Variants in INSR observed in about 807,000 individuals in gnomAD.
INSR encodes insulin receptor.
Under a neutral mutation model 142.6 loss-of-function variants are expected in INSR, and 67 were observed. The ratio of observed to expected loss-of-function variants is 0.47; its 90% CI spans 0.39 to 0.58. INSR has a LOEUF of 0.58. Ranked by LOEUF, INSR falls within the 20% of genes least tolerant of loss-of-function variation. INSR has a pLI of 0.00. For synonymous variants in INSR, 756 were observed against 743.1 expected (o/e 1.02, Z -0.28); for missense variants, 1,248 against 1,833.2 (o/e 0.68, Z 5.83).
At chr19:7,151,803 T>C (rs1358968764) in intron 10 of INSR, among the ~76,000 whole-genome samples, 1 of 152,072 alleles carries the variant, frequency 6.6e-6, no homozygotes, top group Non-Finnish European at 1.5e-5. Flanking sequence ...ACTTTTAATT[T>C]TTTTTTAGAG....
At chr19:7,211,313 C>T (rs1456122179) in intron 2 of INSR, among the ~76,000 whole-genome samples, 2 of 152,184 alleles carry the variant, frequency 1.3e-5, no homozygotes, top group East Asian at 3.8e-4. Flanking sequence ...GAATTCCTCC[C>T]ACCTTGGCCT....
At chr19:7,137,815 A>G (rs1210891508) in intron 13 of INSR, among the ~76,000 whole-genome samples, 1 of 149,570 alleles carries the variant, frequency 6.7e-6, no homozygotes, top group African/African-American at 2.4e-5. Flanking sequence ...AAAAAAAAAA[A>G]AAAAAAAAAG....
At chr19:7,275,735 C>T (rs187331559) in intron 1 of INSR, among the ~76,000 whole-genome samples, 364 of 150,132 alleles carry the variant, frequency 2.4e-3, no homozygotes, top group Non-Finnish European at 4.1e-3. Context: ...TGCAGTGAGC[C>T]GAGATTGTGC....
At chr19:7,198,264 G>A (rs1249505082) in intron 2 of INSR, among the ~76,000 whole-genome samples, 3 of 150,950 alleles carry the variant, frequency 2.0e-5, no homozygotes, top group Admixed American at 2.0e-4. Context: ...CGCTGGCCCC[G>A]CCCCCCGGGT....
rs75918734 is a variant in INSR at position 7,225,706 on chromosome 19, C to CT, written c.653-41070_653-41069insA. On this transcript the variant is annotated intron_variant, in intron 2 of 21. Transcript: ENST00000302850. The surrounding 1 kb of genome is among the most constrained non-coding windows in gnomAD (Gnocchi z 4.7). ...GGGCTCTTGGTTTCCATTTCCCCCC[C>CT]CTCAAAAAAAGAGCAGAGAATAATT... is the stretch of plus-strand genomic sequence containing the variant. Among the ~76,000 whole-genome samples, 912 of 132,174 alleles carry CT rather than the reference C, an allele frequency of 6.9e-3. 9 individuals carry two copies. Among genetic ancestry groups the CT allele is most frequent in the African/African-American group, 0.023 (868 of 38,332 alleles). 86.7% of individuals were successfully genotyped at this position (132,174 alleles called of 152,430 possible).
chr19:7,178,538 G>T (rs1343016989), intron 3 of INSR, among the ~76,000 whole-genome samples: 1 of 152,072 alleles, frequency 6.6e-6, no homozygotes, highest in Non-Finnish European at 1.5e-5. Flanking sequence ...GGCCAACATG[G>T]TGAAACCCTG....
At chr19:7,204,692 T>C (rs950847879) in intron 2 of INSR, among the ~76,000 whole-genome samples, 61 of 147,176 alleles carry the variant, frequency 4.1e-4, no homozygotes, top group African/African-American at 1.5e-3. Flanking sequence ...TTTATGCTAC[T>C]GAGCCCTGGC....
intron 2 of INSR, among the ~76,000 whole-genome samples, chr19:7,231,011 T>G (rs1006406460): frequency 2.0e-5 from 3 of 152,136 alleles, no homozygotes; most frequent in African/African-American, 7.2e-5. Flanking sequence ...TTTAGAAGCC[T>G]CCAGCCTCCC....
At chr19:7,213,622 G>C (rs1419045941) in intron 2 of INSR, among the ~76,000 whole-genome samples, 1 of 152,180 alleles carries the variant, frequency 6.6e-6, no homozygotes, top group South Asian at 2.1e-4. Context: ...TGTCTACAAA[G>C]AAAAGCAACA....
chr19:7,184,537 C>T lies in INSR; in HGVS notation c.753G>A (p.Lys251=). 1 of 1,613,888 alleles carries T rather than the reference C, an allele frequency of 6.2e-7. No homozygotes were observed. Among genetic ancestry groups the T allele is most frequent in the Non-Finnish European group, 8.5e-7 (1 of 1,179,986 alleles). Reference sequence around the variant, plus strand: ...GGTAGAAGTTGCGGCAGGCCACGCACTTGGTGGGGTCGTCGGGCTGAGAAC... The same window carrying T: ...GGTAGAAGTTGCGGCAGGCCACGCATTTGGTGGGGTCGTCGGGCTGAGAAC... ...GNCSQPDDPT[K]CVACRNFYLD... Residue 251 remains lysine (K), a synonymous_variant, in exon 3 of 22, where the codon AAG becomes AAA. Coordinates refer to ENST00000302850, the MANE Select transcript of INSR (RefSeq NM_000208.4).
At chr19:7,278,085 C>T (rs139830448) in intron 1 of INSR, among the ~76,000 whole-genome samples, 3,583 of 151,858 alleles carry the variant, frequency 0.024, 114 homozygotes, top group African/African-American at 0.073. Context: ...CAGAGTGAGA[C>T]TCGGTCTCAA....
intron 2 of INSR, among the ~76,000 whole-genome samples, chr19:7,224,309 C>T (rs1275942164): frequency 6.6e-6 from 1 of 151,126 alleles, no homozygotes; most frequent in Non-Finnish European, 1.5e-5. Context: ...TGCAAATCTC[C>T]GTTTCAGTCT....
At position 7,222,380 on chromosome 19, in the gene INSR, C is replaced by T. The variant is rs562664424; in HGVS notation, c.653-37743G>A. 6.2e-4 allele frequency among the ~76,000 whole-genome samples: 94 copies of T among 152,218 alleles called. 1 individual carries two copies. The highest frequency in any genetic ancestry group is 2.1e-3 in the African/African-American group (86 of 41,540). ...ACATGTGTCCCGTACACCCAGCACCCATCTGGCTTCCTTATTTTTTTGTTT... is the reference window on the plus strand; with the variant it reads ...ACATGTGTCCCGTACACCCAGCACCTATCTGGCTTCCTTATTTTTTTGTTT... On this transcript the variant is annotated intron_variant, in intron 2 of 21. Transcript: ENST00000302850.
intron 2 of INSR, among the ~76,000 whole-genome samples, chr19:7,253,089 T>C (rs1976779918): frequency 6.9e-6 from 1 of 145,350 alleles, no homozygotes; most frequent in East Asian, 2.1e-4. Flanking sequence ...CACTCCAGCC[T>C]GGTGACAGAG....
At chr19:7,289,467 G>A (rs1968433090) in intron 1 of INSR, among the ~76,000 whole-genome samples, 2 of 147,564 alleles carry the variant, frequency 1.4e-5, no homozygotes, top group South Asian at 4.3e-4. Flanking sequence ...ATGCAATGGT[G>A]TGATCTCGGC....
intron 2 of INSR, among the ~76,000 whole-genome samples, chr19:7,218,666 A>G (rs900198761): frequency 2.6e-5 from 4 of 151,988 alleles, no homozygotes; most frequent in African/African-American, 9.7e-5. Flanking sequence ...TCAGCCACCC[A>G]AGTCCCTGGG....
At position 7,263,882 on chromosome 19, in the gene INSR, G is replaced by A. The variant is rs577360513; in HGVS notation, c.652+3463C>T. ...CTACAACATACACAAAACTTAGCTAGGTGTTGGCCAGGCACGGTGGCTCAC... is the reference window on the plus strand; with the variant it reads ...CTACAACATACACAAAACTTAGCTAAGTGTTGGCCAGGCACGGTGGCTCAC... On this transcript the variant is annotated intron_variant, in intron 2 of 21. Coordinates refer to ENST00000302850, the MANE Select transcript of INSR (RefSeq NM_000208.4). Among the ~76,000 whole-genome samples the A allele has an allele frequency of 1.9e-4, 29 of 152,020 alleles. 1 individual carries two copies. The South Asian group carries it at 6.0e-3, about 32-fold the overall frequency.
chr19:7,269,145 C>T (rs187962487), intron 1 of INSR, among the ~76,000 whole-genome samples: 164 of 149,030 alleles, frequency 1.1e-3, no homozygotes, highest in Non-Finnish European at 1.9e-3. Context: ...TGTTCCAAAA[C>T]ACTAAACCTT....
At chr19:7,196,177 C>G (rs190857125) in intron 2 of INSR, among the ~76,000 whole-genome samples, 2 of 152,004 alleles carry the variant, frequency 1.3e-5, no homozygotes, top group African/African-American at 4.8e-5. Flanking sequence ...TCAGGTGATC[C>G]GCCCGCCTCA....
Sources: gnomAD v4.1 joint callset for allele counts (sites outside exome capture counted in the v4.1 genomes callset) on GRCh38, gnomAD v4.1.1 for gene constraint, Gnocchi (gnomAD v3.1) non-coding constraint, MANE v1.5 for transcripts, NCBI Gene and HGNC (gene_info 2026-07-23, HGNC 2026-07-21) for gene names.